Variants in PATL2 observed in about 807,000 individuals in gnomAD.
PATL2 encodes PAT1 homolog 2.
PATL2 carries 73 observed loss-of-function variants against 77.0 expected under a neutral mutation model. The ratio of observed to expected loss-of-function variants is 0.95; its 90% confidence interval spans 0.78 to 1.15. PATL2 has a LOEUF of 1.15. PATL2 is among the 50% of genes most tolerant of loss of function. PATL2 has a pLI of 0.00. For missense variants in PATL2, 618 were observed against 655.4 expected (o/e 0.94, Z 0.62); for synonymous variants, 265 against 257.1 (o/e 1.03, Z -0.29).
In PATL2 at chr15:44,671,926, A is replaced by T; in HGVS notation, c.657+89T>A. The T allele has an allele frequency of 2.0e-6, 3 of 1,467,102 alleles. No individual in the cohort carries two copies. In the South Asian group the frequency reaches 3.9e-5, roughly 19 times the overall value. 90.9% of individuals were successfully genotyped at this position (1,467,102 alleles called of 1,614,324 possible). A position where few individuals can be genotyped will look rare whatever the true frequency, so the allele number is the denominator to read the frequency against. On this transcript the variant is annotated intron_variant, in intron 9 of 17. Transcript: ENST00000682850. ...TCCCACCTGAACAGACATGACCTCT[A>T]TGAGCCGAAGAGAGGATCAGAGCGG... is the stretch of plus-strand genomic sequence containing the variant.
chr15:44,666,045 G>C (rs1012424972), intron 17 of PATL2, 74 bp from the exon 18 acceptor site: 95 of 1,329,128 alleles, frequency 7.1e-5, no homozygotes, highest in Non-Finnish European at 9.5e-5. Context: ...ATTAGTATCT[G>C]ACTCTTTCTA....
chr15:44,680,395 C>T (rs945939378), intron 3 of PATL2, among the ~76,000 whole-genome samples: 1 of 152,138 alleles, frequency 6.6e-6, no homozygotes, highest in African/African-American at 2.4e-5. Context: ...CAGCAGTCAA[C>T]CTCACCTCTT....
intron 3 of PATL2, among the ~76,000 whole-genome samples, chr15:44,679,212 A>C (rs949981559): frequency 1.1e-4 from 16 of 148,794 alleles, no homozygotes; most frequent in Non-Finnish European, 2.1e-4. Flanking sequence ...ACAGGTGCAC[A>C]CCACCATGCC....
At chr15:44,697,627 C>T (rs2086536071) in intron 3 of PATL2, among the ~76,000 whole-genome samples, 1 of 152,132 alleles carries the variant, frequency 6.6e-6, no homozygotes, top group South Asian at 2.1e-4. Context: ...AGCTACATCC[C>T]CCTCACCTTC....
At chr15:44,680,867 C>A (rs1428061270) in intron 3 of PATL2, among the ~76,000 whole-genome samples, 2 of 152,118 alleles carry the variant, frequency 1.3e-5, no homozygotes, top group Admixed American at 1.3e-4. Context: ...AATTATTTGA[C>A]GTATTAGTTC....
chr15:44,695,031 CAAA>C (rs1337268905), intron 3 of PATL2, among the ~76,000 whole-genome samples: 1 of 151,848 alleles, frequency 6.6e-6, no homozygotes, highest in Admixed American at 6.6e-5. Flanking sequence ...ACTAAAAATA[CAAA>C]AAAATTAGCT....
Position 44,675,587 on chromosome 15 carries a change from C to A in PATL2, c.121G>T (p.Glu41Ter). 6.4e-7 allele frequency: 1 copy of A among 1,551,394 alleles called. No homozygotes were observed. Among genetic ancestry groups the A allele is most frequent in the Non-Finnish European group, 8.7e-7 (1 of 1,146,450 alleles). Residue 41 changes from glutamate to a stop codon, truncating the protein, a stop_gained, in exon 5 of 18, where the codon GAG (glutamate) becomes TAG (stop). Transcript: ENST00000682850. LOFTEE classifies it high-confidence loss of function. ...ENEGEEEEEE[E>*]DEEDLDPDLD... ...TCTGGGTCCAGATCCTCCTCGTCCT[C>A]CTCCTCTTCCTCCTCCTCCCCTTCA...
Position 44,711,288 on chromosome 15 carries a change from G to A in PATL2, c.-522C>T. ...CGCCCGGTGTCCCAAGCTGGGGCGC[G>A]CACCCCAGATCGGAGGGCGCCGATG... On this transcript the variant is annotated 5_prime_UTR_variant, in exon 1 of 18. Transcript: ENST00000682850. The A allele has an allele frequency of 1.7e-6, 1 of 591,614 alleles. No individual in the cohort carries two copies. The highest frequency in any genetic ancestry group is 2.8e-5 in the Admixed American group (1 of 35,110). 36.6% of individuals were successfully genotyped at this position (591,614 alleles called of 1,614,324 possible).
intron 15 of PATL2, 27 bp downstream of exon 15, chr15:44,668,315 T>TG (rs2085485051): frequency 6.5e-7 from 1 of 1,544,014 alleles, no homozygotes; most frequent in Admixed American, 2.0e-5. Flanking sequence ...AAGCCATCTA[T>TG]GGAAAAAAGC....
At chr15:44,690,097 G>T (rs368836574) in intron 3 of PATL2, among the ~76,000 whole-genome samples, 4 of 152,088 alleles carry the variant, frequency 2.6e-5, no homozygotes, top group African/African-American at 9.7e-5. Context: ...GCTGAGGCAG[G>T]AGAATCGCTT....
chr15:44,688,914 G>A (rs1455866757), intron 3 of PATL2, among the ~76,000 whole-genome samples: 1 of 152,238 alleles, frequency 6.6e-6, no homozygotes, highest in Non-Finnish European at 1.5e-5. Flanking sequence ...TGTCATCAGA[G>A]TGAATGGGCA....
intron 4 of PATL2, chr15:44,676,217 A>G (rs2085946469): frequency 3.9e-6 from 2 of 508,992 alleles, no homozygotes; most frequent in East Asian, 7.3e-5. Context: ...ACTGTGTGCC[A>G]TATACTTTAC....
chr15:44,696,319 C>T (rs1029578837), intron 3 of PATL2, among the ~76,000 whole-genome samples: 3 of 152,166 alleles, frequency 2.0e-5, no homozygotes, highest in Non-Finnish European at 4.4e-5. Context: ...CAACATTTAC[C>T]TAATCCATTT....
Position 44,676,437 on chromosome 15 carries a change from G to A in PATL2, c.16+38C>T, listed in dbSNP as rs564578655. The A allele has an allele frequency of 6.0e-5, 90 of 1,506,472 alleles. 1 individual carries two copies. In the Middle Eastern group the frequency reaches 3.0e-3, roughly 51 times the overall value. The allele number at this position is 1,506,472 out of a possible 1,614,324, so 93.3% of individuals were successfully genotyped here. ...ACAGACCAGCAACCTCTGCATGCTGGGGCATTTTATATAACATCACGGCCC... is the reference window on the plus strand; with the variant it reads ...ACAGACCAGCAACCTCTGCATGCTGAGGCATTTTATATAACATCACGGCCC... On this transcript the variant is annotated intron_variant, in intron 4 of 17. Coordinates refer to ENST00000682850, the MANE Select transcript of PATL2 (RefSeq NM_001387263.1).
chr15:44,681,624 A>G (rs2086136113), intron 3 of PATL2, among the ~76,000 whole-genome samples: 1 of 152,134 alleles, frequency 6.6e-6, no homozygotes, highest in Non-Finnish European at 1.5e-5. Flanking sequence ...TGTGGTTTTC[A>G]GTATGTTTGT....
chr15:44,682,312 C>T (rs1486651130), intron 3 of PATL2, among the ~76,000 whole-genome samples: 1 of 152,234 alleles, frequency 6.6e-6, no homozygotes, highest in Non-Finnish European at 1.5e-5. Flanking sequence ...CTTTTCCCTT[C>T]CAGCCTGGGA....
Position 44,672,151 on chromosome 15 carries a change from G to A in PATL2, c.521C>T (p.Pro174Leu), listed in dbSNP as rs1257184658. 2.6e-6 allele frequency: 4 copies of A among 1,551,546 alleles called. No individual in the cohort carries two copies. Among genetic ancestry groups the A allele is most frequent in the African/African-American group, 2.7e-5 (2 of 73,040 alleles). ...QQQHSQTPSPPAKKPWSQQPD... is the reference protein window; with the variant it reads ...QQQHSQTPSPLAKKPWSQQPD... Reference sequence around the variant, plus strand: ...CTGCTGAGACCAAGGCTTCTTGGCTGGGGGACTTTAAGCCAGGAGGAACAA... The same window carrying A: ...CTGCTGAGACCAAGGCTTCTTGGCTAGGGGACTTTAAGCCAGGAGGAACAA... The change falls in exon 9 of 18, where the codon CCA becomes CTA. Residue 174 changes from proline (P) to leucine (L), a missense_variant. Transcript: ENST00000682850.
chr15:44,668,311 T>C (rs762462405), intron 15 of PATL2, 31 bp downstream of exon 15: 20 of 1,543,274 alleles, frequency 1.3e-5, no homozygotes, highest in Non-Finnish European at 1.7e-5. Flanking sequence ...CTGAAAGCCA[T>C]CTATGGAAAA....
intron 9 of PATL2, among the ~76,000 whole-genome samples, chr15:44,670,510 C>CCT (rs1491063386): frequency 3.6e-4 from 54 of 151,198 alleles, no homozygotes; most frequent in African/African-American, 1.3e-3. Context: ...CCTCTTAACA[C>CCT]TCTTTCCTAC....
Sources: gnomAD v4.1 joint callset for allele counts (sites outside exome capture counted in the v4.1 genomes callset) on GRCh38, gnomAD v4.1.1 for gene constraint, MANE v1.5 for transcripts, NCBI Gene and HGNC (gene_info 2026-07-23, HGNC 2026-07-21) for gene names.